CADM2: variants seen among roughly 807,000 people sequenced by gnomAD.
The protein encoded by CADM2 is cell adhesion molecule 2, also known as immunoglobulin superfamily member 4D.
A neutral mutation model predicts 49.8 loss-of-function variants in CADM2; 12 were observed. That is an observed-to-expected ratio of 0.24 (90% CI 0.15 to 0.39). CADM2 has a LOEUF of 0.39. Among genes scored for constraint, CADM2 ranks in the 10% least tolerant of loss-of-function variants. The pLI, the probability that CADM2 is intolerant of heterozygous loss-of-function variation, is 1.00. For missense variants in CADM2, 378 were observed against 492.3 expected (o/e 0.77, Z 2.20); for synonymous variants, 214 against 175.4 (o/e 1.22, Z -1.74).
intron 1 of CADM2, among the ~76,000 whole-genome samples, chr3:85,273,806 C>T (rs906450664): frequency 6.6e-6 from 1 of 150,454 alleles, no homozygotes; most frequent in Non-Finnish European, 1.5e-5. Context: ...TTTTATGAGT[C>T]ATTTTCACAT....
At chr3:85,191,575 T>G (rs146986208) in intron 1 of CADM2, among the ~76,000 whole-genome samples, 1 of 152,222 alleles carries the variant, frequency 6.6e-6, no homozygotes, top group East Asian at 1.9e-4. Flanking sequence ...TGGCTCCAAA[T>G]AGATGACGGT....
intron 8 of CADM2, among the ~76,000 whole-genome samples, chr3:85,968,971 G>A (rs184786106): frequency 2.3e-3 from 350 of 151,488 alleles, no homozygotes; most frequent in Admixed American, 5.7e-3. Flanking sequence ...ATTTTTCCTT[G>A]ATTCTATTCT....
chr3:85,053,896 TTA>T (rs2035977946), intron 1 of CADM2, among the ~76,000 whole-genome samples: 1 of 152,110 alleles, frequency 6.6e-6, no homozygotes, highest in Admixed American at 6.6e-5. Flanking sequence ...GGAAATGTTT[TTA>T]GTTAATTGAA....
intron 7 of CADM2, among the ~76,000 whole-genome samples, chr3:85,953,809 G>T (rs1478748966): frequency 1.3e-5 from 2 of 150,530 alleles, no homozygotes; most frequent in Non-Finnish European, 1.5e-5. Context: ...ACCTATTAAA[G>T]AATATACAGC....
intron 1 of CADM2, among the ~76,000 whole-genome samples, chr3:85,082,629 C>T (rs1195933737): frequency 6.6e-6 from 1 of 152,028 alleles, no homozygotes; most frequent in Non-Finnish European, 1.5e-5. Flanking sequence ...AACTAGGTGC[C>T]GGGGTGCTTG....
intron 1 of CADM2, among the ~76,000 whole-genome samples, chr3:85,473,609 G>A (rs1426818000): frequency 6.6e-6 from 1 of 152,044 alleles, no homozygotes; most frequent in African/African-American, 2.4e-5. Context: ...CTTCACTCCT[G>A]AATCCTCAAA....
chr3:85,165,138 C>G (rs1193212872), intron 1 of CADM2, among the ~76,000 whole-genome samples: 2 of 151,766 alleles, frequency 1.3e-5, no homozygotes, highest in Non-Finnish European at 2.9e-5. Flanking sequence ...CTGTAATAAG[C>G]TATGTCACCA....
intron 2 of CADM2, among the ~76,000 whole-genome samples, chr3:85,797,694 A>G (rs55816776): frequency 0.026 from 4,007 of 152,260 alleles, 200 homozygotes; most frequent in African/African-American, 0.092. Flanking sequence ...AGTCTTTGCT[A>G]TTGTGAATAC....
intron 1 of CADM2, among the ~76,000 whole-genome samples, chr3:85,208,245 T>C (rs1041435318): frequency 2.0e-5 from 3 of 152,190 alleles, no homozygotes; most frequent in Admixed American, 6.5e-5. Flanking sequence ...AAATTTAATT[T>C]GAAGATTTTA....
chr3:85,837,388 T>G (rs1293398586), intron 3 of CADM2, among the ~76,000 whole-genome samples: 1 of 151,336 alleles, frequency 6.6e-6, no homozygotes, highest in Non-Finnish European at 1.5e-5. Flanking sequence ...TAAAAAACAT[T>G]CTCCTTTTAC....
chr3:85,112,407 C>G (rs528010852), intron 1 of CADM2, among the ~76,000 whole-genome samples: 52 of 150,400 alleles, frequency 3.5e-4, no homozygotes, highest in Non-Finnish European at 6.5e-4. Flanking sequence ...TTAAAGTACA[C>G]GTATAAGTAA....
chr3:85,443,419 C>T (rs933249148), intron 1 of CADM2, among the ~76,000 whole-genome samples: 1 of 152,116 alleles, frequency 6.6e-6, no homozygotes, highest in African/African-American at 2.4e-5. Flanking sequence ...TCTCCAGCCT[C>T]ATTCCCATTT....
intron 1 of CADM2, among the ~76,000 whole-genome samples, chr3:85,363,766 C>A (rs1337535654): frequency 1.3e-5 from 2 of 152,182 alleles, no homozygotes; most frequent in African/African-American, 4.8e-5. Context: ...CGCCCGCCAC[C>A]GCGCCCGGCT....
intron 1 of CADM2, among the ~76,000 whole-genome samples, chr3:85,141,643 A>G (rs980555132): frequency 1.3e-5 from 2 of 152,194 alleles, no homozygotes; most frequent in African/African-American, 2.4e-5. Context: ...CAGAGATCCA[A>G]TCCTTTTTAA....
intron 1 of CADM2, among the ~76,000 whole-genome samples, chr3:85,069,144 C>A (rs190754130): frequency 6.6e-6 from 1 of 150,552 alleles, no homozygotes; most frequent in Non-Finnish European, 1.5e-5. Context: ...TTACTGTGGG[C>A]AAAACTAGGA....
intron 1 of CADM2, among the ~76,000 whole-genome samples, chr3:85,665,224 T>G (rs917420733): frequency 5.9e-5 from 9 of 151,976 alleles, no homozygotes; most frequent in African/African-American, 2.2e-4. Context: ...CACTTTATCA[T>G]ATTTGGAATG....
At chr3:85,564,764 C>G (rs936808199) in intron 1 of CADM2, among the ~76,000 whole-genome samples, 1 of 151,906 alleles carries the variant, frequency 6.6e-6, no homozygotes, top group Admixed American at 6.6e-5. Context: ...GGAGGAGCAA[C>G]ATACTTTAAT....
At chr3:84,969,989 C>G (rs1186125916) in intron 1 of CADM2, among the ~76,000 whole-genome samples, 1 of 146,074 alleles carries the variant, frequency 6.8e-6, no homozygotes, top group Non-Finnish European at 1.5e-5. Flanking sequence ...AATGTATAAA[C>G]AAAGAGGAAT....
chr3:85,309,845 C>G lies in CADM2; in HGVS notation c.61+350177C>G, dbSNP rs141040886. Among the ~76,000 whole-genome samples, 11 of 152,298 alleles carry G rather than the reference C, an allele frequency of 7.2e-5. No individual in the cohort carries two copies. In the East Asian group the frequency reaches 2.1e-3, roughly 29 times the overall value. Reference sequence around the variant, plus strand: ...TTTACCCCCGTTTTAAATGCTTTGACAGAGCTATGATCTGGCACCATGCCC... The same window carrying G: ...TTTACCCCCGTTTTAAATGCTTTGAGAGAGCTATGATCTGGCACCATGCCC... On this transcript the variant is annotated intron_variant, in intron 1 of 9. Coordinates refer to ENST00000383699, the MANE Select transcript of CADM2 (RefSeq NM_001167675.2).
Sources: gnomAD v4.1 joint callset for allele counts (sites outside exome capture counted in the v4.1 genomes callset) on GRCh38, gnomAD v4.1.1 for gene constraint, MANE v1.5 for transcripts, NCBI Gene and HGNC (gene_info 2026-07-23, HGNC 2026-07-21) for gene names.